PTPN20: variants seen among roughly 807,000 people sequenced by gnomAD.
PTPN20 encodes protein tyrosine phosphatase non-receptor type 20.
In PTPN20, 9 loss-of-function variants were observed where a neutral mutation model predicts 35.0. The ratio of observed to expected loss-of-function variants is 0.26; its 90% CI spans 0.15 to 0.45. The LOEUF is 0.45. PTPN20 is among the 20% of genes least tolerant of loss of function. The pLI, the probability that PTPN20 is intolerant of heterozygous loss-of-function variation, is 1.00. For missense variants in PTPN20, 111 were observed against 312.5 expected (o/e 0.36, Z 4.86); for synonymous variants, 32 against 100.2 (o/e 0.32, Z 4.06).
chr10:47,000,775 C>G lies in PTPN20; in HGVS notation c.*34C>G. On this transcript the variant is annotated 3_prime_UTR_variant, in exon 11 of 11. Transcript: ENST00000374339. ...TCTGTTGCCTCTCACTTGAAATTAC[C>G]AAGTGGGTTTGCACCTCCTCATAAA... The G allele has an allele frequency of 6.2e-7, 1 of 1,612,568 alleles. No individual in the cohort carries two copies. The highest frequency in any genetic ancestry group is 8.5e-7 in the Non-Finnish European group (1 of 1,178,726).
At chr10:46,979,106 T>G (rs2054550863) in intron 7 of PTPN20, among the ~76,000 whole-genome samples, 1 of 151,452 alleles carries the variant, frequency 6.6e-6, no homozygotes, top group African/African-American at 2.4e-5. Context: ...ATACTGTTAA[T>G]CTTTCAGCCT....
chr10:47,000,117 A>C, intron 10 of PTPN20, 143 bp downstream of exon 10: 1 of 1,250,294 alleles, frequency 8.0e-7, no homozygotes, highest in Admixed American at 1.8e-5. Context: ...TTTTGCTCTG[A>C]TTCTCTGGTA....
At position 46,953,335 on chromosome 10, in the gene PTPN20, TTTTCTTTCTTTCTTTCTTTCTTTC is replaced by T. The variant is rs201614690; in HGVS notation, c.340+6700_340+6723del. Among the ~76,000 whole-genome samples the T allele has an allele frequency of 8.7e-4, 99 of 113,456 alleles. 6 individuals carry two copies. Among genetic ancestry groups the T allele is most frequent in the Middle Eastern group, 4.9e-3 (1 of 204 alleles). The allele number at this position is 113,456 out of a possible 152,430, so 74.4% of individuals were successfully genotyped here. On this transcript the variant is annotated intron_variant, in intron 5 of 10. Coordinates refer to ENST00000374339, the MANE Select transcript of PTPN20 (RefSeq NM_001042357.5). Reference sequence around the variant, plus strand: ...TTCCAATGTATATGCCTTTCATTTCTTTTCTTTCTTTCTTTCTTTCTTTCTTTCTTTCTTTCTTTCTTTCTTTCT... The same window carrying T: ...TTCCAATGTATATGCCTTTCATTTCTTTTCTTTCTTTCTTTCTTTCTTTCT...
At chr10:46,915,888 G>C (rs1181106976) in intron 1 of PTPN20, among the ~76,000 whole-genome samples, 1 of 66,342 alleles carries the variant, frequency 1.5e-5, no homozygotes, top group East Asian at 4.9e-4. Context: ...CAGAGATTCA[G>C]ATTTTGTTGG....
chr10:46,918,567 T>C (rs1216340275), intron 1 of PTPN20, among the ~76,000 whole-genome samples: 1 of 117,610 alleles, frequency 8.5e-6, no homozygotes, highest in Non-Finnish European at 1.7e-5. Context: ...TCCACTAATT[T>C]TGATGTTGTA....
intron 9 of PTPN20, among the ~76,000 whole-genome samples, chr10:46,992,626 A>G (rs2058211499): frequency 6.6e-6 from 1 of 152,104 alleles, no homozygotes; most frequent in Non-Finnish European, 1.5e-5. Flanking sequence ...TAACTCTTGG[A>G]TCATTTTACC....
At chr10:46,936,383 G>GT (rs1279073631) in intron 2 of PTPN20, among the ~76,000 whole-genome samples, 4 of 152,028 alleles carry the variant, frequency 2.6e-5, no homozygotes, top group Non-Finnish European at 4.4e-5. Flanking sequence ...TGATTGGTAG[G>GT]TTTTTTTAAA....
intron 1 of PTPN20, among the ~76,000 whole-genome samples, chr10:46,923,328 T>C (rs1328762931): frequency 6.8e-6 from 1 of 146,218 alleles, no homozygotes; most frequent in Non-Finnish European, 1.5e-5. Flanking sequence ...TACCATGTTA[T>C]AGCAGCTCTT....
intron 2 of PTPN20, among the ~76,000 whole-genome samples, chr10:46,939,124 A>AT (rs1282698553): frequency 2.1e-5 from 3 of 141,542 alleles, no homozygotes; most frequent in Non-Finnish European, 4.6e-5. Flanking sequence ...TGCATGAGAG[A>AT]TTTTTTTCAT....
At chr10:46,992,304 G>A (rs1256710572) in intron 9 of PTPN20, among the ~76,000 whole-genome samples, 2 of 151,844 alleles carry the variant, frequency 1.3e-5, no homozygotes, top group African/African-American at 4.8e-5. Context: ...TGTATTTTTA[G>A]TAGAGATGGG....
At chr10:46,935,825 G>A (rs1299621071) in intron 2 of PTPN20, among the ~76,000 whole-genome samples, 4 of 152,350 alleles carry the variant, frequency 2.6e-5, no homozygotes, top group East Asian at 3.9e-4. Flanking sequence ...AGCCAGTGAT[G>A]TGATTGCTGA....
At chr10:46,932,052 T>C (rs1411838847) in intron 1 of PTPN20, among the ~76,000 whole-genome samples, 2 of 143,206 alleles carry the variant, frequency 1.4e-5, no homozygotes, top group Non-Finnish European at 2.9e-5. Context: ...TTGAGTGACA[T>C]TGATTGAATT....
chr10:46,923,205 G>A lies in PTPN20; in HGVS notation c.-123-9172G>A, dbSNP rs1289949522. On this transcript the variant is annotated intron_variant, in intron 1 of 10. Transcript: ENST00000374339. Reference sequence around the variant, plus strand: ...ACCACCAAAAGACAGGAAGAGACAAGGAAGTATACTCCCCTAGAGCCTTCA... The same window carrying A: ...ACCACCAAAAGACAGGAAGAGACAAAGAAGTATACTCCCCTAGAGCCTTCA... 3.8e-4 allele frequency among the ~76,000 whole-genome samples: 55 copies of A among 143,792 alleles called. 5 individuals carry two copies. Among genetic ancestry groups the A allele is most frequent in the Non-Finnish European group, 5.6e-4 (38 of 67,340 alleles). The allele number at this position is 143,792 out of a possible 152,430, so 94.3% of individuals were successfully genotyped here.
intron 5 of PTPN20, among the ~76,000 whole-genome samples, chr10:46,964,425 C>T (rs2050185940): frequency 9.8e-6 from 1 of 101,858 alleles, no homozygotes; most frequent in African/African-American, 4.4e-5. Context: ...AGAATGTTCT[C>T]CCCAATTATT....
At chr10:46,994,415 G>C (rs1400574404) in intron 9 of PTPN20, among the ~76,000 whole-genome samples, 2 of 131,844 alleles carry the variant, frequency 1.5e-5, no homozygotes, top group Non-Finnish European at 3.1e-5. Context: ...TGCAAGCTCC[G>C]CCGCCTCCCA....
At position 47,002,152 on chromosome 10, in the gene PTPN20, A is replaced by G. The variant is rs1224221117; in HGVS notation, c.*1411A>G. 6.6e-6 allele frequency: 1 copy of G among 152,328 alleles called. No individual in the cohort carries two copies. The highest frequency in any genetic ancestry group is 1.5e-5 in the Non-Finnish European group (1 of 67,964). The allele number at this position is 152,328 out of a possible 1,614,324, so 9.4% of individuals were successfully genotyped here. ...AAATCAAATAGATGATTCTGTTTAC[A>G]TTGTTCATATGAATAATAATCTGTG... is the stretch of plus-strand genomic sequence containing the variant. On this transcript the variant is annotated 3_prime_UTR_variant, in exon 11 of 11. Transcript: ENST00000374339.
chr10:46,922,742 G>A (rs1204664596), intron 1 of PTPN20, among the ~76,000 whole-genome samples: 2 of 139,738 alleles, frequency 1.4e-5, no homozygotes, highest in Non-Finnish European at 3.0e-5. Flanking sequence ...CTCAGGCCCT[G>A]GAAACCTAAT....
intron 2 of PTPN20, 141 bp downstream of exon 2, chr10:46,932,674 G>C: frequency 1.4e-6 from 2 of 1,471,478 alleles, no homozygotes; most frequent in East Asian, 2.3e-5. Context: ...GGGGTGGGGT[G>C]GGGGGCAAGA....
At chr10:46,949,253 G>A (rs1372025924) in intron 5 of PTPN20, among the ~76,000 whole-genome samples, 7 of 152,286 alleles carry the variant, frequency 4.6e-5, no homozygotes, top group Admixed American at 1.3e-4. Flanking sequence ...GCACCTGTTG[G>A]AGGTCTGTGA....
Sources: allele counts gnomAD v4.1 joint callset (sites outside exome capture counted in the v4.1 genomes callset), GRCh38; gene constraint gnomAD v4.1.1; transcripts MANE v1.5; gene names NCBI Gene and HGNC (gene_info 2026-07-23, HGNC 2026-07-21).